ZNF18: variants seen among roughly 807,000 people sequenced by gnomAD.
ZNF18 encodes the protein zinc finger protein 18.
Under a neutral mutation model 58.1 loss-of-function variants are expected in ZNF18, and 42 were observed. That is an observed-to-expected ratio of 0.72 (90% confidence interval 0.56 to 0.93). ZNF18 has a LOEUF of 0.93. Ranked by LOEUF, ZNF18 falls within the 40% of genes least tolerant of loss-of-function variation. ZNF18 has a pLI of 0.00. For missense variants in ZNF18, 540 were observed against 644.2 expected, an observed-to-expected ratio of 0.84 and a Z score of 1.75; for synonymous variants, 231 against 239.8, an observed-to-expected ratio of 0.96 and a Z score of 0.34.
the ZNF18 span, among the ~76,000 whole-genome samples, chr17:12,017,455 A>G: frequency 1.4e-4 from 22 of 152,340 alleles, no homozygotes; most frequent in South Asian, 4.1e-4. Context: ...GCTATATGGA[A>G]TATCTGGTGA....
chr17:12,015,611 A>G, the ZNF18 span, among the ~76,000 whole-genome samples: 1 of 152,216 alleles, frequency 6.6e-6, no homozygotes, highest in Admixed American at 6.5e-5. Flanking sequence ...GTAGCAGTCT[A>G]TCCACCACCT....
In ZNF18 at chr17:11,990,556, G is replaced by T; in HGVS notation, c.578-6C>A. 6.2e-7 allele frequency: 1 copy of T among 1,605,900 alleles called. No homozygotes were observed. Among genetic ancestry groups the T allele is most frequent in the Non-Finnish European group, 8.5e-7 (1 of 1,177,100 alleles). ...AGGCTGGGAGGCAGCCAGGGCTGAAGTGAGGAGAGGAAGTTTTCAGAATCT... is the reference window on the plus strand; with the variant it reads ...AGGCTGGGAGGCAGCCAGGGCTGAATTGAGGAGAGGAAGTTTTCAGAATCT... On this transcript the variant is annotated splice_polypyrimidine_tract_variant and splice_region_variant and intron_variant, in intron 3 of 6. Coordinates refer to ENST00000580306, the MANE Select transcript of ZNF18 (RefSeq NM_001303281.2).
At chr17:11,995,884 C>T (rs1003381239) in intron 1 of ZNF18, among the ~76,000 whole-genome samples, 2 of 152,000 alleles carry the variant, frequency 1.3e-5, no homozygotes, top group Admixed American at 6.6e-5. Flanking sequence ...AAAAATATTA[C>T]GCAAAGTGGT....
chr17:11,982,826 C>A (rs76556108), intron 6 of ZNF18, among the ~76,000 whole-genome samples: 5 of 152,014 alleles, frequency 3.3e-5, no homozygotes, highest in Non-Finnish European at 7.4e-5. Context: ...ATTATTTATA[C>A]GAAGTATTTG....
Position 11,977,824 on chromosome 17 carries a change from TCTCTC to T in ZNF18, c.*128_*132del, listed in dbSNP as rs1967084487. ...TCCAAGTCCAAAGCCATGTCCAGAT[TCTCTC>T]CTCTCCAATCCAAGAAAAAAGGAGA... On this transcript the variant is annotated 3_prime_UTR_variant, in exon 7 of 7. Transcript: ENST00000580306. 5 of 1,091,036 alleles carry T rather than the reference TCTCTC, an allele frequency of 4.6e-6. No homozygotes were observed. Among genetic ancestry groups the T allele is most frequent in the Admixed American group, 5.2e-5 (2 of 38,624 alleles). 67.6% of individuals were successfully genotyped at this position (1,091,036 alleles called of 1,614,324 possible). A position where few individuals can be genotyped will look rare whatever the true frequency, so the allele number is the denominator to read the frequency against.
intron 4 of ZNF18, among the ~76,000 whole-genome samples, chr17:11,986,862 G>A (rs1176291311): frequency 1.3e-5 from 2 of 152,130 alleles, no homozygotes; most frequent in African/African-American, 4.8e-5. Flanking sequence ...AGGCAGAAAA[G>A]GATACAGCCA....
intron 6 of ZNF18, among the ~76,000 whole-genome samples, chr17:11,979,681 A>G (rs1408825348): frequency 2.0e-5 from 3 of 152,144 alleles, no homozygotes; most frequent in Non-Finnish European, 4.4e-5. Flanking sequence ...TCTTTCACAT[A>G]TTAGTGTCTT....
At chr17:11,997,165 G>A (rs1968521859) in intron 1 of ZNF18, 1 of 152,508 alleles carries the variant, frequency 6.6e-6, no homozygotes, top group African/African-American at 2.4e-5. Context: ...CAGAGACCCG[G>A]CCGGTCCCGC....
the ZNF18 span, chr17:12,021,032 C>A: frequency 3.8e-5 from 45 of 1,172,240 alleles, no homozygotes; most frequent in Non-Finnish European, 4.8e-5. Context: ...GAGATCCCAG[C>A]CCCCTAGCGC....
At chr17:12,003,866 G>A in the ZNF18 span, among the ~76,000 whole-genome samples, 34 of 152,326 alleles carry the variant, frequency 2.2e-4, no homozygotes, top group East Asian at 6.0e-3. Flanking sequence ...CACATATGTT[G>A]AACAGGCTTG....
At chr17:11,996,847 T>C (rs1221397677) in intron 1 of ZNF18, 1 of 152,204 alleles carries the variant, frequency 6.6e-6, no homozygotes, top group African/African-American at 2.4e-5. Context: ...GGCTCACAAG[T>C]GGCAGCCAGA....
chr17:12,018,589 T>C, the ZNF18 span, among the ~76,000 whole-genome samples: 1 of 152,194 alleles, frequency 6.6e-6, no homozygotes, highest in Non-Finnish European at 1.5e-5. Flanking sequence ...GACTCCAACA[T>C]GTAAATTTGG....
In ZNF18 at chr17:11,992,449, C is replaced by T. The variant is rs1555536328; in HGVS notation, c.381G>A (p.Trp127Ter). Residue 127 changes from tryptophan to a stop codon, truncating the protein, a stop_gained, in exon 2 of 7, where the codon TGG becomes TGA. Coordinates refer to ENST00000580306, the MANE Select transcript of ZNF18 (RefSeq NM_001303281.2). LOFTEE classifies it high-confidence loss of function. Reference protein sequence around the residue: ...ESLKGDPQRLWQWISIQVLGQ... With the variant: ...ESLKGDPQRL ...CATAATACCCTCTGCTTACCCATTG[C>T]CACAGTCTCTGGGGGTCCCCCTTCA... 6.2e-7 allele frequency: 1 copy of T among 1,613,400 alleles called. No individual in the cohort carries two copies. Among genetic ancestry groups the T allele is most frequent in the Non-Finnish European group, 8.5e-7 (1 of 1,179,548 alleles).
the ZNF18 span, chr17:12,020,740 C>G: frequency 2.6e-6 from 1 of 386,700 alleles, no homozygotes; most frequent in Non-Finnish European, 4.5e-6. Flanking sequence ...GCGCGTCGGG[C>G]TCTGGCGGGG....
At chr17:12,010,553 C>T in the ZNF18 span, among the ~76,000 whole-genome samples, 2 of 151,916 alleles carry the variant, frequency 1.3e-5, no homozygotes, top group Non-Finnish European at 2.9e-5. Context: ...GTAGCTGGGA[C>T]TACAGGCGCC....
At chr17:12,008,050 G>A in the ZNF18 span, among the ~76,000 whole-genome samples, 1 of 152,174 alleles carries the variant, frequency 6.6e-6, no homozygotes, top group African/African-American at 2.4e-5. Flanking sequence ...CCACTGCAGA[G>A]TGCCTCGGGT....
At chr17:11,980,990 T>C (rs1335714325) in intron 6 of ZNF18, among the ~76,000 whole-genome samples, 3 of 152,198 alleles carry the variant, frequency 2.0e-5, no homozygotes, top group Non-Finnish European at 4.4e-5. Context: ...GGTAAGTATA[T>C]GGCTTTTTGA....
chr17:11,999,033 T>C (rs993557203), upstream of ZNF18, among the ~76,000 whole-genome samples: 9 of 152,172 alleles, frequency 5.9e-5, no homozygotes, highest in African/African-American at 1.9e-4. Flanking sequence ...GAGGACAGCA[T>C]GGCTAACAAT....
At chr17:11,986,526 G>C (rs1567602892) in intron 4 of ZNF18, among the ~76,000 whole-genome samples, 1 of 152,196 alleles carries the variant, frequency 6.6e-6, no homozygotes, top group Non-Finnish European at 1.5e-5. Flanking sequence ...GAATTACACA[G>C]TCAACTATTA....
Sources: allele counts gnomAD v4.1 joint callset (sites outside exome capture counted in the v4.1 genomes callset), GRCh38; gene constraint gnomAD v4.1.1; transcripts MANE v1.5; gene names NCBI Gene and HGNC (gene_info 2026-07-23, HGNC 2026-07-21).